Variants in CARS2 observed in about 807,000 individuals in gnomAD.
CARS2 encodes probable cysteine--tRNA ligase, mitochondrial.
CARS2 carries 52 observed loss-of-function variants against 68.8 expected under a neutral mutation model. The ratio of observed to expected loss-of-function variants is 0.76; its 90% confidence interval spans 0.61 to 0.95. The LOEUF is 0.95. Ranked by LOEUF, CARS2 falls within the 40% of genes least tolerant of loss-of-function variation. The probability of loss-of-function intolerance (pLI) is 0.00; values close to 1 mark genes in which losing one functional copy is unlikely to be tolerated. For synonymous variants in CARS2, 314 were observed against 303.6 expected, an observed-to-expected ratio of 1.03 and a Z score of -0.36; for missense variants, 780 against 754.2, an observed-to-expected ratio of 1.03 and a Z score of -0.40.
chr13:110,661,977 T>C (rs1482680640), intron 9 of CARS2, among the ~76,000 whole-genome samples: 1 of 152,164 alleles, frequency 6.6e-6, no homozygotes, highest in African/African-American at 2.4e-5. Context: ...ATGAGAAACT[T>C]TGAAATATTG....
At chr13:110,651,832 T>C (rs1364250819) in intron 9 of CARS2, among the ~76,000 whole-genome samples, 4 of 152,222 alleles carry the variant, frequency 2.6e-5, no homozygotes, top group Non-Finnish European at 5.9e-5. Flanking sequence ...AAACCTCCTG[T>C]GGGGCGCTCA....
At chr13:110,703,164 C>G (rs1176463179) in intron 2 of CARS2, among the ~76,000 whole-genome samples, 1 of 152,200 alleles carries the variant, frequency 6.6e-6, no homozygotes, top group African/African-American at 2.4e-5. Flanking sequence ...ATGGTGGAGG[C>G]TATTTTTCAG....
chr13:110,654,086 G>T (rs1487442434), intron 9 of CARS2, among the ~76,000 whole-genome samples: 1 of 152,188 alleles, frequency 6.6e-6, no homozygotes. Flanking sequence ...GCCCCAGTGA[G>T]CTCACGAGGT....
At chr13:110,642,177 A>G (rs1024677344) in intron 14 of CARS2, 138 bp downstream of exon 14, 6 of 698,282 alleles carry the variant, frequency 8.6e-6, no homozygotes, top group African/African-American at 5.3e-5. Flanking sequence ...ATTGCACTCC[A>G]GCCTGGGTGA....
chr13:110,643,118 A>G (rs2139670289), intron 13 of CARS2: 1 of 240,244 alleles, frequency 4.2e-6, no homozygotes, highest in South Asian at 4.7e-5. Flanking sequence ...AACCTCACAC[A>G]CCCCTCAGTT....
At position 110,705,510 on chromosome 13, in the gene CARS2, A is replaced by G; in HGVS notation, c.275+11T>C. 1 of 1,578,484 alleles carries G rather than the reference A, an allele frequency of 6.3e-7. No individual in the cohort carries two copies. Among genetic ancestry groups the G allele is most frequent in the South Asian group, 1.2e-5 (1 of 86,374 alleles). On this transcript the variant is annotated intron_variant, in intron 2 of 14. Transcript: ENST00000257347. This position sits in a 1 kb window ranked among gnomAD's most constrained non-coding sequence, Gnocchi z 4.0. The stretch of plus-strand genomic sequence containing the variant: ...CTTTGAAGTATGAAAATTCAAATCC[A>G]GGAAACTCACCAAGCATGGCCAAGG...
upstream of CARS2, chr13:110,706,237 C>T (rs2063956163): frequency 3.8e-6 from 2 of 528,268 alleles, no homozygotes; most frequent in Non-Finnish European, 5.5e-6. Context: ...TCAGGTAGCG[C>T]CTCCCTTTGG....
chr13:110,645,150 T>TC (rs1887928085), intron 12 of CARS2: 1 of 152,438 alleles, frequency 6.6e-6, no homozygotes, highest in African/African-American at 2.4e-5. Context: ...GGCAGCCTGT[T>TC]CCTGCAGCCG....
intron 3 of CARS2, among the ~76,000 whole-genome samples, chr13:110,695,828 G>A (rs2063607947): frequency 6.6e-6 from 1 of 150,418 alleles, no homozygotes. Context: ...TACAGAAAGT[G>A]CAGGTTTGTT....
chr13:110,702,599 C>T (rs1276080823), intron 2 of CARS2, among the ~76,000 whole-genome samples: 1 of 152,176 alleles, frequency 6.6e-6, no homozygotes, highest in Non-Finnish European at 1.5e-5. Context: ...GAGTCAAGTC[C>T]CTTGCTTGGC....
chr13:110,702,793 C>A (rs1252859346), intron 2 of CARS2, among the ~76,000 whole-genome samples: 1 of 152,198 alleles, frequency 6.6e-6, no homozygotes, highest in Non-Finnish European at 1.5e-5. Context: ...AAGTGCCGGG[C>A]AGCCAAGTCT....
rs188068027 is a variant in CARS2, at chr13:110,641,551, T to C, written c.1681A>G (p.Lys561Glu). Reference sequence around the variant, plus strand: ...GTGCTCCATCCTCAGCCCGCTGATTTTTGGTCTTTTGTCCTTTGATCCAGC... The same window carrying C: ...GTGCTCCATCCTCAGCCCGCTGATTCTTGGTCTTTTGTCCTTTGATCCAGC... ...ELLDQRTKDQKSAG is the reference protein window; with the variant it reads ...ELLDQRTKDQESAG The change falls in exon 15 of 15, where the codon AAA (lysine) becomes GAA (glutamate). Residue 561 changes from lysine to glutamate, a missense_variant. Lys to Glu is a moderately conservative substitution (Grantham distance 56). Coordinates refer to ENST00000257347, the MANE Select transcript of CARS2 (RefSeq NM_024537.4). 1,714 of 1,613,884 alleles carry C rather than the reference T, an allele frequency of 1.1e-3. 15 individuals carry two copies. The African/African-American group carries it at 0.02, about 19-fold the overall frequency.
In CARS2 at chr13:110,645,956, C is replaced by G. The variant is rs757028283; in HGVS notation, c.1317+11G>C. 1 of 1,610,222 alleles carries G rather than the reference C, an allele frequency of 6.2e-7. No individual in the cohort carries two copies. On this transcript the variant is annotated intron_variant, in intron 12 of 14. Transcript: ENST00000257347. ...CAGCAGGACCGCAAGGCCACCTGTT[C>G]GTTGAGCTACCTTCAGGGACGCCCT...
chr13:110,709,131 G>A (rs2064006149), upstream of CARS2, among the ~76,000 whole-genome samples: 1 of 150,892 alleles, frequency 6.6e-6, no homozygotes, highest in Non-Finnish European at 1.5e-5. Flanking sequence ...CCAGGCTGGA[G>A]TGCAATGGCG....
chr13:110,694,186 C>T (rs1217493453), intron 3 of CARS2, among the ~76,000 whole-genome samples: 2 of 151,826 alleles, frequency 1.3e-5, no homozygotes, highest in Non-Finnish European at 2.9e-5. Context: ...ACCACCATGC[C>T]CAGCTAATTC....
At chr13:110,662,205 G>A (rs939802441) in intron 9 of CARS2, among the ~76,000 whole-genome samples, 1 of 97,502 alleles carries the variant, frequency 1.0e-5, no homozygotes, top group African/African-American at 4.7e-5. Flanking sequence ...GGTCGGGTTC[G>A]GACCCCCTCT....
intron 3 of CARS2, among the ~76,000 whole-genome samples, chr13:110,691,243 T>C (rs1431846272): frequency 6.6e-6 from 1 of 152,230 alleles, no homozygotes; most frequent in Non-Finnish European, 1.5e-5. Context: ...CTCGAACTCC[T>C]GACCTCAGGT....
chr13:110,644,519 C>A, intron 12 of CARS2, 36 bp from the exon 13 acceptor site: 1 of 1,612,786 alleles, frequency 6.2e-7, no homozygotes, highest in Non-Finnish European at 8.5e-7. Flanking sequence ...TCCTTAAAAG[C>A]AGTCTTGATG....
intron 6 of CARS2, among the ~76,000 whole-genome samples, 182 bp downstream of exon 6, chr13:110,682,869 A>C (rs1432555737): frequency 1.3e-5 from 2 of 152,186 alleles, no homozygotes; most frequent in African/African-American, 4.8e-5. Context: ...TGCCGTTTGA[A>C]CTATATGCCT....
Sources: allele counts gnomAD v4.1 joint callset (sites outside exome capture counted in the v4.1 genomes callset), GRCh38; gene constraint gnomAD v4.1.1; non-coding constraint Gnocchi (gnomAD v3.1); transcripts MANE v1.5; gene names NCBI Gene and HGNC (gene_info 2026-07-23, HGNC 2026-07-21).